Variants in CREB5 observed in about 807,000 individuals in gnomAD.
The protein encoded by CREB5 is cyclic AMP-responsive element-binding protein 5.
In CREB5, 19 loss-of-function variants were observed where a neutral mutation model predicts 57.1. The ratio of observed to expected loss-of-function variants is 0.33; its 90% CI spans 0.23 to 0.49. CREB5 has a LOEUF of 0.49. CREB5 is among the 20% of genes least tolerant of loss of function. The pLI, the probability that CREB5 is intolerant of heterozygous loss-of-function variation, is 0.99. For missense variants in CREB5, 579 were observed against 671.6 expected (o/e 0.86, Z 1.52); for synonymous variants, 238 against 238.3 (o/e 1.00, Z 0.01).
intron 5 of CREB5, among the ~76,000 whole-genome samples, chr7:28,692,223 G>C (rs1267241712): frequency 2.0e-5 from 3 of 149,886 alleles, no homozygotes; most frequent in African/African-American, 7.3e-5. Context: ...ATAAAGCACT[G>C]GCTTCTCCTT....
At chr7:28,353,069 TTTTC>T (rs1244764233) in intron 1 of CREB5, among the ~76,000 whole-genome samples, 2 of 152,174 alleles carry the variant, frequency 1.3e-5, no homozygotes, top group Non-Finnish European at 2.9e-5. Flanking sequence ...CTCTTTTTCT[TTTTC>T]TTTCTTTCTT....
At chr7:28,698,272 G>GA (rs1273548558) in intron 5 of CREB5, among the ~76,000 whole-genome samples, 3 of 142,994 alleles carry the variant, frequency 2.1e-5, no homozygotes, top group African/African-American at 7.7e-5. Context: ...TGTATGACAA[G>GA]AAAAAAAGGC....
rs193095178 is a variant in CREB5 at position 28,445,613 on chromosome 7, G to A, written c.3+32696G>A. Among the ~76,000 whole-genome samples the A allele has an allele frequency of 1.4e-4, 21 of 151,682 alleles. No individual in the cohort carries two copies. The East Asian group carries it at 2.5e-3, about 18-fold the overall frequency. On this transcript the variant is annotated intron_variant, in intron 1 of 10. Transcript: ENST00000357727. ...GTTGCCCAGGCTGGAGTGCAGTGGC[G>A]CGATCTCGGCTCACTGCAAGCTCCG... is the stretch of plus-strand genomic sequence containing the variant.
chr7:28,611,406 CTT>C (rs1489796113), intron 5 of CREB5, among the ~76,000 whole-genome samples: 1 of 145,266 alleles, frequency 6.9e-6, no homozygotes, highest in African/African-American at 2.6e-5. Context: ...AATCCCAGCA[CTT>C]TGGGAGGCCA....
At chr7:28,720,245 A>T (rs1347275589) in intron 6 of CREB5, among the ~76,000 whole-genome samples, 1 of 152,180 alleles carries the variant, frequency 6.6e-6, no homozygotes, top group African/African-American at 2.4e-5. Flanking sequence ...CAGTGTAACA[A>T]CTCAATGAAA....
intron 1 of CREB5, among the ~76,000 whole-genome samples, chr7:28,406,604 G>C (rs1787585467): frequency 6.6e-6 from 1 of 152,208 alleles, no homozygotes; most frequent in Admixed American, 6.5e-5. Flanking sequence ...TGGGTGAGAG[G>C]GCATTCCTAG....
At chr7:28,410,212 G>A (rs540085278), upstream of CREB5, 4,935 of 452,840 alleles carry the variant, frequency 0.011, 41 homozygotes, top group Non-Finnish European at 0.016. Context: ...CGCTCCAGGC[G>A]CTCCGGGCTG....
intron 1 of CREB5, among the ~76,000 whole-genome samples, chr7:28,343,734 G>A (rs1279984157): frequency 6.6e-6 from 1 of 152,206 alleles, no homozygotes; most frequent in Non-Finnish European, 1.5e-5. Context: ...ATACCCAGTA[G>A]TGGGATTGCT....
chr7:28,663,973 C>T (rs1256727017), intron 5 of CREB5, among the ~76,000 whole-genome samples: 1 of 152,180 alleles, frequency 6.6e-6, no homozygotes, highest in East Asian at 1.9e-4. Flanking sequence ...TCAAACTTAG[C>T]ATGCAGAAGA....
chr7:28,495,191 A>G (rs1297227582), intron 3 of CREB5, among the ~76,000 whole-genome samples, 192 bp downstream of exon 3: 1 of 152,150 alleles, frequency 6.6e-6, no homozygotes, highest in Non-Finnish European at 1.5e-5. Context: ...CTCATTTTCT[A>G]GATATGAAAT....
intron 5 of CREB5, among the ~76,000 whole-genome samples, chr7:28,692,218 G>T (rs1223440424): frequency 6.7e-6 from 1 of 149,212 alleles, no homozygotes; most frequent in Admixed American, 6.7e-5. Flanking sequence ...GTGGAATAAA[G>T]CACTGGCTTC....
chr7:28,397,601 A>G (rs1444737623), intron 1 of CREB5, among the ~76,000 whole-genome samples: 1 of 152,216 alleles, frequency 6.6e-6, no homozygotes, highest in African/African-American at 2.4e-5. Context: ...AAGATATCAA[A>G]CAGATAAAAA....
chr7:28,367,812 C>G (rs995899614), intron 1 of CREB5, among the ~76,000 whole-genome samples: 5 of 75,750 alleles, frequency 6.6e-5, no homozygotes, highest in Admixed American at 3.6e-4. Context: ...CATTTCAAAA[C>G]AAACAAACAG....
intron 5 of CREB5, among the ~76,000 whole-genome samples, chr7:28,706,737 G>C (rs1336234248): frequency 1.3e-5 from 2 of 152,132 alleles, no homozygotes; most frequent in Non-Finnish European, 2.9e-5. Context: ...GGTAGCTCAG[G>C]GAAGGTTGCA....
chr7:28,369,315 G>A (rs1786658110), intron 1 of CREB5, among the ~76,000 whole-genome samples: 1 of 152,132 alleles, frequency 6.6e-6, no homozygotes, highest in Non-Finnish European at 1.5e-5. Context: ...GCAGGCTTGG[G>A]TAACCACTTG....
rs114409108 is a variant in CREB5 at position 28,730,184 on chromosome 7, T to G, written c.702+5852T>G. 2.6e-3 allele frequency among the ~76,000 whole-genome samples: 403 copies of G among 152,304 alleles called. 4 individuals carry two copies. Among genetic ancestry groups the G allele is most frequent in the African/African-American group, 9.2e-3 (384 of 41,572 alleles). On this transcript the variant is annotated intron_variant, in intron 7 of 10. Transcript: ENST00000357727. ...AATTTGATGAGGTAGATATTCTTTT[T>G]TCTTTCTTTTTTTGTTTTTTGAGAC...
chr7:28,439,773 G>A lies in CREB5; in HGVS notation c.3+26856G>A, dbSNP rs543118184. On this transcript the variant is annotated intron_variant, in intron 1 of 10. Coordinates refer to ENST00000357727, the MANE Select transcript of CREB5 (RefSeq NM_182898.4). ...ATTGGAGTTAGCACTTCAGTTCTTA[G>A]GATTCTCAAAGTGCTTTCTAAGGCA... Among the ~76,000 whole-genome samples the A allele has an allele frequency of 2.6e-5, 4 of 152,258 alleles. No individual in the cohort carries two copies. The South Asian group carries it at 8.3e-4, about 32-fold the overall frequency.
chr7:28,792,570 C>T (rs1045134574), intron 7 of CREB5, among the ~76,000 whole-genome samples: 3 of 152,202 alleles, frequency 2.0e-5, no homozygotes, highest in African/African-American at 7.2e-5. Flanking sequence ...TTAAGCGTAA[C>T]TTTCTAGACA....
chr7:28,476,914 G>A (rs915223289), intron 1 of CREB5, among the ~76,000 whole-genome samples: 1 of 152,162 alleles, frequency 6.6e-6, no homozygotes, highest in Non-Finnish European at 1.5e-5. Flanking sequence ...GTACTTTATG[G>A]CCATTAAAAT....
Sources: allele counts gnomAD v4.1 joint callset (sites outside exome capture counted in the v4.1 genomes callset), GRCh38; gene constraint gnomAD v4.1.1; transcripts MANE v1.5; gene names NCBI Gene and HGNC (gene_info 2026-07-23, HGNC 2026-07-21).